The following PLCZ1 variants were observed in gnomAD, a reference collection of about 807,000 sequenced individuals.
PLCZ1 encodes 1-phosphatidylinositol 4,5-bisphosphate phosphodiesterase zeta-1.
A neutral mutation model predicts 76.8 loss-of-function variants in PLCZ1; 64 were observed. The ratio of observed to expected loss-of-function variants is 0.83; its 90% CI spans 0.68 to 1.03. The LOEUF (loss-of-function observed/expected upper bound fraction) is 1.03. PLCZ1 is among the 50% of genes least tolerant of loss of function. The pLI, the probability that PLCZ1 is intolerant of heterozygous loss-of-function variation, is 0.00. For missense variants in PLCZ1, 751 were observed against 713.7 expected, an observed-to-expected ratio of 1.05 and a Z score of -0.60; for synonymous variants, 248 against 230.8, an observed-to-expected ratio of 1.07 and a Z score of -0.68.
the PLCZ1 span, among the ~76,000 whole-genome samples, chr12:18,653,682 T>G: frequency 6.6e-6 from 1 of 152,150 alleles, no homozygotes; most frequent in East Asian, 1.9e-4. Flanking sequence ...TTAAGTCACC[T>G]CAACCACATG....
chr12:18,692,904 C>G lies in PLCZ1; in HGVS notation c.1461+2006G>C, dbSNP rs1954341568. ...GAAAAAGAAGAAGAAAACAAAGGGACCAGATGCTGCCAGCAAACTGCCACT... is the reference window on the plus strand; with the variant it reads ...GAAAAAGAAGAAGAAAACAAAGGGAGCAGATGCTGCCAGCAAACTGCCACT... On this transcript the variant is annotated intron_variant, in intron 12 of 14. Coordinates refer to ENST00000266505, the MANE Select transcript of PLCZ1 (RefSeq NM_033123.4). The G allele has an allele frequency of 5.0e-6, 8 of 1,598,382 alleles. No individual in the cohort carries two copies. The East Asian group carries it at 1.6e-4, about 31-fold the overall frequency.
intron 3 of PLCZ1, among the ~76,000 whole-genome samples, chr12:18,726,772 G>T (rs1327063745): frequency 1.3e-5 from 2 of 152,226 alleles, no homozygotes; most frequent in South Asian, 4.1e-4. Context: ...AGAGTTGGTT[G>T]TATCTAAAAT....
chr12:18,730,284 G>A (rs1958970633), intron 3 of PLCZ1, among the ~76,000 whole-genome samples: 1 of 152,110 alleles, frequency 6.6e-6, no homozygotes, highest in African/African-American at 2.4e-5. Context: ...AGTTGAATGT[G>A]TAAGCAGCTT....
At chr12:18,666,300 G>A in the PLCZ1 span, among the ~76,000 whole-genome samples, 1 of 151,764 alleles carries the variant, frequency 6.6e-6, no homozygotes, top group African/African-American at 2.4e-5. Flanking sequence ...GGGCATATTT[G>A]GCAAAATGCA....
chr12:18,656,127 T>C, the PLCZ1 span, among the ~76,000 whole-genome samples: 1 of 152,128 alleles, frequency 6.6e-6, no homozygotes, highest in East Asian at 1.9e-4. Context: ...AGTTCCATTC[T>C]TCCACAAAAA....
At position 18,688,237 on chromosome 12, in the gene PLCZ1, A is replaced by G; in HGVS notation, c.1462-19T>C. 6.3e-7 allele frequency: 1 copy of G among 1,588,688 alleles called. No individual in the cohort carries two copies. The highest frequency in any genetic ancestry group is 1.1e-5 in the South Asian group (1 of 87,106). On this transcript the variant is annotated intron_variant, in intron 12 of 14. Coordinates refer to ENST00000266505, the MANE Select transcript of PLCZ1 (RefSeq NM_033123.4). ...TGATGAGCTGCACAAATATATATGAATATAAGAATTTAGCAAGATATTAAG... is the reference window on the plus strand; with the variant it reads ...TGATGAGCTGCACAAATATATATGAGTATAAGAATTTAGCAAGATATTAAG...
the PLCZ1 span, among the ~76,000 whole-genome samples, chr12:18,667,223 C>A: frequency 6.6e-6 from 1 of 152,112 alleles, no homozygotes; most frequent in Non-Finnish European, 1.5e-5. Flanking sequence ...AGTTCAAATA[C>A]GTAAGTGAAT....
At chr12:18,730,322 T>C (rs1958973052) in intron 3 of PLCZ1, among the ~76,000 whole-genome samples, 1 of 152,126 alleles carries the variant, frequency 6.6e-6, no homozygotes, top group Admixed American at 6.6e-5. Context: ...AAAATACAGT[T>C]AACCAATACA....
At chr12:18,733,823 A>G (rs934074235) in intron 3 of PLCZ1, among the ~76,000 whole-genome samples, 4 of 152,120 alleles carry the variant, frequency 2.6e-5, no homozygotes, top group Admixed American at 2.0e-4. Flanking sequence ...ATTAGTCTAC[A>G]TATTTGTTTT....
chr12:18,718,592 A>G (rs574237252), intron 5 of PLCZ1, among the ~76,000 whole-genome samples: 3 of 152,126 alleles, frequency 2.0e-5, no homozygotes, highest in African/African-American at 7.2e-5. Context: ...CCTTCCCACT[A>G]GATGTTTCTA....
chr12:18,677,069 A>G, the PLCZ1 span, among the ~76,000 whole-genome samples: 1 of 152,118 alleles, frequency 6.6e-6, no homozygotes, highest in Non-Finnish European at 1.5e-5. Flanking sequence ...AAGGAAAATA[A>G]AAGGTACCAG....
intron 9 of PLCZ1, 121 bp downstream of exon 9, chr12:18,701,380 A>T: frequency 6.6e-7 from 1 of 1,517,332 alleles, no homozygotes. Flanking sequence ...ATTGTAAATG[A>T]TAGACTAGAG....
Position 18,688,190 on chromosome 12 carries a change from G to A in PLCZ1, c.1490C>T (p.Thr497Ile). The stretch of plus-strand genomic sequence containing the variant: ...ATCACCTTTGTTAGATGATGAATGA[G>A]TAAGAGGCAACTGGATACCACTGAT... Reference protein sequence around the residue: ...RLISGIQLPLTHSSSNKGDSL... With the variant: ...RLISGIQLPLIHSSSNKGDSL... The change falls in exon 13 of 15, where the codon ACT becomes ATT. Residue 497 changes from threonine to isoleucine, a missense_variant. Coordinates refer to ENST00000266505, the MANE Select transcript of PLCZ1 (RefSeq NM_033123.4). The A allele has an allele frequency of 1.2e-6, 2 of 1,610,422 alleles. No individual in the cohort carries two copies. The highest frequency in any genetic ancestry group is 1.1e-5 in the South Asian group (1 of 91,024).
chr12:18,712,472 A>C (rs1313310112), intron 6 of PLCZ1, among the ~76,000 whole-genome samples: 2 of 152,150 alleles, frequency 1.3e-5, no homozygotes, highest in Non-Finnish European at 2.9e-5. Flanking sequence ...TTGTTGATAC[A>C]TTTTATTTTG....
At chr12:18,737,598 G>GGC in intron 1 of PLCZ1, 89 bp from the exon 2 acceptor site, 2 of 664,394 alleles carry the variant, frequency 3.0e-6, no homozygotes, top group Non-Finnish European at 2.7e-6. Context: ...CAGTATGCAA[G>GGC]ATGTGGTACC....
At chr12:18,666,422 T>G in the PLCZ1 span, among the ~76,000 whole-genome samples, 21 of 152,172 alleles carry the variant, frequency 1.4e-4, no homozygotes, top group East Asian at 4.1e-3. Flanking sequence ...CAAAAAGAGC[T>G]GGGGTGGCTA....
At chr12:18,674,621 A>G in the PLCZ1 span, among the ~76,000 whole-genome samples, 5 of 152,176 alleles carry the variant, frequency 3.3e-5, no homozygotes, top group African/African-American at 9.7e-5. Context: ...TCTTGCTGTC[A>G]TGCATTATAG....
chr12:18,675,851 C>T, the PLCZ1 span, among the ~76,000 whole-genome samples: 7 of 150,348 alleles, frequency 4.7e-5, no homozygotes, highest in Admixed American at 1.3e-4. Context: ...ATAATAGACA[C>T]TAGGGACTCA....
chr12:18,703,276 T>G (rs1238677333), intron 7 of PLCZ1, among the ~76,000 whole-genome samples: 1 of 152,194 alleles, frequency 6.6e-6, no homozygotes, highest in African/African-American at 2.4e-5. Context: ...GTTCATTTTT[T>G]TCTGTCTCAG....
Sources: gnomAD v4.1 joint callset for allele counts (sites outside exome capture counted in the v4.1 genomes callset) on GRCh38, gnomAD v4.1.1 for gene constraint, MANE v1.5 for transcripts, NCBI Gene and HGNC (gene_info 2026-07-23, HGNC 2026-07-21) for gene names.